The following NKIRAS1 variants were observed in gnomAD, a reference collection of about 807,000 sequenced individuals.
NKIRAS1 encodes the protein NFKB inhibitor interacting Ras like 1, also known as NF-kappa-B inhibitor-interacting Ras-like protein 1.
NKIRAS1 carries 16 observed loss-of-function variants against 19.8 expected under a neutral mutation model. The observed-to-expected ratio is 0.81, with a 90% confidence interval of 0.55 to 1.23. The LOEUF (loss-of-function observed/expected upper bound fraction) is 1.23, where lower values mean the gene tolerates loss of function less well. NKIRAS1 is among the 50% of genes most tolerant of loss of function. The pLI is 0.00. For missense variants in NKIRAS1, 184 were observed against 220.0 expected (o/e 0.84, Z 1.04); for synonymous variants, 88 against 79.0 (o/e 1.11, Z -0.61).
intron 1 of NKIRAS1, chr3:23,946,224 G>A: frequency 1.0e-6 from 1 of 985,502 alleles, no homozygotes. Flanking sequence ...ACACCGCAGT[G>A]CACCGGACGC....
intron 4 of NKIRAS1, among the ~76,000 whole-genome samples, chr3:23,894,973 G>C (rs544927273): frequency 6.6e-6 from 1 of 152,226 alleles, no homozygotes; most frequent in East Asian, 1.9e-4. Context: ...CTTATTCTTT[G>C]ACTTCTCCAA....
At chr3:23,925,420 G>A (rs1328329838) in intron 1 of NKIRAS1, among the ~76,000 whole-genome samples, 2 of 152,146 alleles carry the variant, frequency 1.3e-5, no homozygotes, top group African/African-American at 4.8e-5. Flanking sequence ...GATTGCTTGA[G>A]CTCAGGAGTT....
chr3:23,893,224 A>C lies in NKIRAS1; in HGVS notation c.450T>G (p.Thr150=). Reference sequence around the variant, plus strand: ...CAATCAGAGTTTTCCGATCTGTAACAGTCACCTCCCACAGTCTTACTTTCT... The same window carrying C: ...CAATCAGAGTTTTCCGATCTGTAACCGTCACCTCCCACAGTCTTACTTTCT... ...KSEKVRLWEV[T]VTDRKTLIEP... The change falls in exon 5 of 5, where the codon ACT becomes ACG. Residue 150 remains threonine, a synonymous_variant. Transcript: ENST00000425478. 4.3e-6 allele frequency: 7 copies of C among 1,614,188 alleles called. No individual in the cohort carries two copies. The highest frequency in any genetic ancestry group is 5.1e-6 in the Non-Finnish European group (6 of 1,180,026).
intron 3 of NKIRAS1, among the ~76,000 whole-genome samples, chr3:23,905,937 T>C (rs905696050): frequency 1.1e-4 from 16 of 151,996 alleles, no homozygotes; most frequent in African/African-American, 3.1e-4. Flanking sequence ...GGCAGGCAGA[T>C]TGCTTGAGGC....
At chr3:23,933,491 C>G (rs1290746382) in intron 1 of NKIRAS1, among the ~76,000 whole-genome samples, 1 of 152,208 alleles carries the variant, frequency 6.6e-6, no homozygotes, top group Non-Finnish European at 1.5e-5. Flanking sequence ...CTACAATGCA[C>G]AGACAGCAAA....
chr3:23,918,213 G>C, upstream of NKIRAS1: 1 of 950,812 alleles, frequency 1.1e-6, no homozygotes, highest in Non-Finnish European at 1.6e-6. Context: ...TGTGTCAAAG[G>C]TTACAAATCT....
intron 1 of NKIRAS1, among the ~76,000 whole-genome samples, chr3:23,925,247 G>A (rs750682461): frequency 3.9e-5 from 6 of 152,178 alleles, no homozygotes; most frequent in Non-Finnish European, 8.8e-5. Context: ...GTATACCAAG[G>A]AGAAAGCAGG....
At chr3:23,934,182 GTGTT>G (rs1203219969) in intron 1 of NKIRAS1, among the ~76,000 whole-genome samples, 2 of 152,162 alleles carry the variant, frequency 1.3e-5, no homozygotes, top group African/African-American at 4.8e-5. Context: ...TTGTCTGTAT[GTGTT>G]TATCATTCAT....
chr3:23,944,784 G>C (rs1398775331), intron 1 of NKIRAS1, among the ~76,000 whole-genome samples: 2 of 147,996 alleles, frequency 1.4e-5, no homozygotes, highest in African/African-American at 2.5e-5. Context: ...GAGGGAAAGG[G>C]AAGGGTCTGT....
rs547352107 is a variant in NKIRAS1 at position 23,927,396 on chromosome 3, A to G, written c.-139-15946T>C. ...GGAAAGAAAAAAAAACCTACTGCGA[A>G]GGTGCTATAGTTGGCTTGTGACATT... On this transcript the variant is annotated intron_variant, in intron 1 of 4. Coordinates refer to the NKIRAS1 transcript ENST00000421515. The surrounding 1 kb of genome is among the most constrained non-coding windows in gnomAD (Gnocchi z 4.0). 6.6e-6 allele frequency among the ~76,000 whole-genome samples: 1 copy of G among 152,282 alleles called. No homozygotes were observed. The highest frequency in any genetic ancestry group is 6.5e-5 in the Admixed American group (1 of 15,278).
Position 23,945,356 on chromosome 3 carries a change from A to T in NKIRAS1, c.-140+967T>A, listed in dbSNP as rs72627093. 3.5e-3 allele frequency: 577 copies of T among 165,012 alleles called. 14 individuals carry two copies. The East Asian group carries it at 0.046, about 13-fold the overall frequency. 10.2% of individuals were successfully genotyped at this position (165,012 alleles called of 1,614,324 possible). A position where few individuals can be genotyped will look rare whatever the true frequency, so the allele number is the denominator to read the frequency against. ...CGCGCCGCCGCTTTTGTTGTCAGGG[A>T]CCCAGCGAGGAGCGCCGCTCGCCGG... On this transcript the variant is annotated intron_variant, in intron 1 of 4. Transcript: ENST00000421515.
At chr3:23,934,813 G>A (rs886993953) in intron 1 of NKIRAS1, among the ~76,000 whole-genome samples, 1 of 145,836 alleles carries the variant, frequency 6.9e-6, no homozygotes, top group Non-Finnish European at 1.5e-5. Context: ...TTAAATGAAA[G>A]CATCCATTCT....
intron 1 of NKIRAS1, among the ~76,000 whole-genome samples, chr3:23,935,667 C>G (rs1039792801): frequency 6.6e-6 from 1 of 152,142 alleles, no homozygotes; most frequent in South Asian, 2.1e-4. Context: ...CTCAAGTGAT[C>G]CTCTTCCACC....
rs1041375329 is a variant in NKIRAS1 at position 23,927,700 on chromosome 3, G to C, written c.-139-16250C>G. On this transcript the variant is annotated intron_variant, in intron 1 of 4. Transcript: ENST00000421515. The surrounding 1 kb of genome is among the most constrained non-coding windows in gnomAD (Gnocchi z 4.0). ...CAAATCACGAAACTTGTTTCTATGA[G>C]AGTGTAAACATACTATTTAGCTTCC... 2.0e-5 allele frequency among the ~76,000 whole-genome samples: 3 copies of C among 152,190 alleles called. No individual in the cohort carries two copies. The highest frequency in any genetic ancestry group is 4.4e-5 in the Non-Finnish European group (3 of 68,038).
chr3:23,913,424 T>G (rs1323995017), intron 1 of NKIRAS1, among the ~76,000 whole-genome samples: 2 of 152,190 alleles, frequency 1.3e-5, no homozygotes, highest in African/African-American at 4.8e-5. Context: ...GGCTGAAATA[T>G]TCTAGGTTCC....
upstream of NKIRAS1, chr3:23,921,694 C>T: frequency 1.5e-6 from 1 of 661,462 alleles, no homozygotes. Context: ...TCTGCCTCGG[C>T]CTCCCAAATA....
chr3:23,908,481 A>C (rs999684118), intron 3 of NKIRAS1, among the ~76,000 whole-genome samples: 1 of 152,216 alleles, frequency 6.6e-6, no homozygotes, highest in Non-Finnish European at 1.5e-5. Context: ...ATCACAGCAG[A>C]TTACAAAGGC....
At chr3:23,943,633 G>A (rs776349398) in intron 1 of NKIRAS1, among the ~76,000 whole-genome samples, 3 of 152,218 alleles carry the variant, frequency 2.0e-5, no homozygotes, top group Non-Finnish European at 2.9e-5. Context: ...CTTCTAGACT[G>A]TTCATATTAA....
intron 3 of NKIRAS1, among the ~76,000 whole-genome samples, chr3:23,902,123 G>A (rs1702580168): frequency 6.6e-6 from 1 of 152,068 alleles, no homozygotes; most frequent in East Asian, 1.9e-4. Flanking sequence ...GATACATCCA[G>A]AGGTAAAATC....
Sources: gnomAD v4.1 joint callset for allele counts (sites outside exome capture counted in the v4.1 genomes callset) on GRCh38, gnomAD v4.1.1 for gene constraint, Gnocchi (gnomAD v3.1) non-coding constraint, MANE v1.5 for transcripts, NCBI Gene and HGNC (gene_info 2026-07-23, HGNC 2026-07-21) for gene names.